Variants in HS6ST1 observed in about 807,000 individuals in gnomAD.
HS6ST1 encodes heparan-sulfate 6-O-sulfotransferase 1.
HS6ST1 carries 3 observed loss-of-function variants against 25.2 expected under a neutral mutation model. That is an observed-to-expected ratio of 0.12 (90% CI 0.05 to 0.31). HS6ST1 has a LOEUF of 0.31. Ranked by LOEUF, HS6ST1 falls within the 10% of genes least tolerant of loss-of-function variation. The pLI is 1.00. For synonymous variants in HS6ST1, 204 were observed against 275.1 expected (o/e 0.74, Z 2.56); for missense variants, 310 against 609.6 (o/e 0.51, Z 5.18).
intron 1 of HS6ST1, among the ~76,000 whole-genome samples, chr2:128,301,308 G>T (rs79963157): frequency 0.024 from 3,692 of 152,058 alleles, 70 homozygotes; most frequent in Middle Eastern, 0.051. Context: ...ATCCCCAGGG[G>T]CTGCATGGCT....
chr2:128,303,409 A>C (rs1307703740), intron 1 of HS6ST1, among the ~76,000 whole-genome samples: 1 of 152,248 alleles, frequency 6.6e-6, no homozygotes, highest in African/African-American at 2.4e-5. Context: ...TGTGCTTGAG[A>C]ACAAGTTCTA....
chr2:128,276,876 G>A (rs911358912), intron 1 of HS6ST1, among the ~76,000 whole-genome samples: 4 of 152,054 alleles, frequency 2.6e-5, no homozygotes, highest in Non-Finnish European at 5.9e-5. Flanking sequence ...CCCCTCCTAC[G>A]AGCTACGCTG....
chr2:128,283,799 G>T (rs571285934), intron 1 of HS6ST1, among the ~76,000 whole-genome samples: 1 of 152,306 alleles, frequency 6.6e-6, no homozygotes, highest in African/African-American at 2.4e-5. Flanking sequence ...AAGATGCAGG[G>T]AGCTCTTGGG....
At chr2:128,306,072 T>C (rs961738620) in intron 1 of HS6ST1, among the ~76,000 whole-genome samples, 3 of 152,190 alleles carry the variant, frequency 2.0e-5, no homozygotes, top group African/African-American at 7.2e-5. Flanking sequence ...ATGAGTTATT[T>C]AGGCTCTTTG....
At chr2:128,286,620 T>C (rs1402485773) in intron 1 of HS6ST1, among the ~76,000 whole-genome samples, 5 of 152,166 alleles carry the variant, frequency 3.3e-5, no homozygotes, top group African/African-American at 9.7e-5. Flanking sequence ...GACACTGCTA[T>C]TAAATGGTGG....
At chr2:128,315,032 G>A (rs1003757190) in intron 1 of HS6ST1, among the ~76,000 whole-genome samples, 1 of 152,194 alleles carries the variant, frequency 6.6e-6, no homozygotes, top group African/African-American at 2.4e-5. Flanking sequence ...GTGGTCCCTG[G>A]AATGGCTGGC....
intron 1 of HS6ST1, among the ~76,000 whole-genome samples, chr2:128,306,600 C>T (rs548059180): frequency 4.6e-5 from 7 of 152,292 alleles, no homozygotes; most frequent in South Asian, 4.1e-4. Context: ...CAGCAGAAGG[C>T]GCTTTCTAAT....
intron 1 of HS6ST1, among the ~76,000 whole-genome samples, chr2:128,275,475 G>T (rs12469172): frequency 6.6e-6 from 1 of 152,140 alleles, no homozygotes; most frequent in East Asian, 1.9e-4. Flanking sequence ...GTCTGGAGAG[G>T]TTGGAAAGAG....
At chr2:128,287,976 C>T (rs1473559254) in intron 1 of HS6ST1, among the ~76,000 whole-genome samples, 1 of 152,168 alleles carries the variant, frequency 6.6e-6, no homozygotes, top group Admixed American at 6.5e-5. Context: ...CGAGATGTCA[C>T]TTATGCCTGA....
At position 128,318,236 on chromosome 2, in the gene HS6ST1, C is replaced by T. The variant is rs1019026467; in HGVS notation, c.328G>A (p.Val110Ile). The change falls in exon 1 of 2, where the codon GTA becomes ATA. Residue 110 changes from valine (V) to isoleucine (I), a missense_variant. Val to Ile is a conservative substitution (Grantham distance 29, BLOSUM62 3). Coordinates refer to ENST00000259241, the MANE Select transcript of HS6ST1 (RefSeq NM_004807.3). The surrounding 1 kb of genome is among the most constrained non-coding windows in gnomAD (Gnocchi z 5.7). ...CAGTCGCACGGCACCTCGAGGCGTACGTTCTGCACGAGGTGGCGGCCGAAG... is the reference window on the plus strand; with the variant it reads ...CAGTCGCACGGCACCTCGAGGCGTATGTTCTGCACGAGGTGGCGGCCGAAG... ...TTFGRHLVQN[V>I]RLEVPCDCRP... 1.4e-5 allele frequency: 22 copies of T among 1,559,096 alleles called. No individual in the cohort carries two copies. In the African/African-American group the frequency reaches 2.2e-4, roughly 16 times the overall value.
At chr2:128,299,060 C>T (rs1454716289) in intron 1 of HS6ST1, among the ~76,000 whole-genome samples, 2 of 152,248 alleles carry the variant, frequency 1.3e-5, no homozygotes, top group African/African-American at 4.8e-5. Context: ...CCAGAATCGG[C>T]CTCAGATGGG....
intron 1 of HS6ST1, among the ~76,000 whole-genome samples, chr2:128,305,450 C>T (rs1468918978): frequency 6.6e-6 from 1 of 152,234 alleles, no homozygotes; most frequent in Admixed American, 6.5e-5. Flanking sequence ...ACCTGCTCAC[C>T]TTCCTGCCTG....
intron 1 of HS6ST1, among the ~76,000 whole-genome samples, chr2:128,309,719 C>T (rs1694260718): frequency 6.6e-6 from 1 of 152,348 alleles, no homozygotes; most frequent in Non-Finnish European, 1.5e-5. Context: ...GTGCTGGTCA[C>T]GTGTGGCCTT....
chr2:128,308,347 G>A (rs951270878), intron 1 of HS6ST1, among the ~76,000 whole-genome samples: 2 of 152,230 alleles, frequency 1.3e-5, no homozygotes, highest in Admixed American at 1.3e-4. Flanking sequence ...AGCAGCTGGT[G>A]GGGTCTAGGG....
chr2:128,282,253 C>G (rs6431006), intron 1 of HS6ST1, among the ~76,000 whole-genome samples: 4 of 152,284 alleles, frequency 2.6e-5, no homozygotes, highest in East Asian at 3.9e-4. Context: ...CACCTTTAGC[C>G]CTGCAGTGAA....
At chr2:128,312,536 G>T (rs1000071106) in intron 1 of HS6ST1, among the ~76,000 whole-genome samples, 2 of 152,126 alleles carry the variant, frequency 1.3e-5, no homozygotes, top group African/African-American at 4.8e-5. Context: ...GATGGTGATG[G>T]GCACCCAGAG....
At chr2:128,301,989 G>A (rs4662794) in intron 1 of HS6ST1, among the ~76,000 whole-genome samples, 16,129 of 152,222 alleles carry the variant, frequency 0.11, 1,018 homozygotes, top group African/African-American at 0.17. Context: ...TCTCCATGGT[G>A]CCGCCAGCTC....
At chr2:128,298,912 C>T (rs1363999107) in intron 1 of HS6ST1, among the ~76,000 whole-genome samples, 1 of 152,252 alleles carries the variant, frequency 6.6e-6, no homozygotes, top group African/African-American at 2.4e-5. Context: ...GAAAGCAGCA[C>T]GTCCCTGGGC....
At chr2:128,302,364 C>T (rs564989818) in intron 1 of HS6ST1, among the ~76,000 whole-genome samples, 6 of 152,272 alleles carry the variant, frequency 3.9e-5, no homozygotes, top group South Asian at 2.1e-4. Context: ...CTGATGTGTA[C>T]GTGGTGTGTT....
Sources: gnomAD v4.1 joint callset for allele counts (sites outside exome capture counted in the v4.1 genomes callset) on GRCh38, gnomAD v4.1.1 for gene constraint, Gnocchi (gnomAD v3.1) non-coding constraint, MANE v1.5 for transcripts, NCBI Gene and HGNC (gene_info 2026-07-23, HGNC 2026-07-21) for gene names.